SLC9B1: variants seen among roughly 807,000 people sequenced by gnomAD.
The protein encoded by SLC9B1 is sodium/hydrogen exchanger 9B1.
A neutral mutation model predicts 51.7 loss-of-function variants in SLC9B1; 32 were observed. The observed-to-expected ratio is 0.62, with a 90% confidence interval of 0.47 to 0.83. SLC9B1 has a LOEUF of 0.83. Ranked by LOEUF, SLC9B1 falls within the 40% of genes least tolerant of loss-of-function variation. The pLI is 0.00. For missense variants in SLC9B1, 406 were observed against 613.2 expected, an observed-to-expected ratio of 0.66 and a Z score of 3.57; for synonymous variants, 145 against 212.7, an observed-to-expected ratio of 0.68 and a Z score of 2.77.
intron 11 of SLC9B1, among the ~76,000 whole-genome samples, chr4:102,893,280 T>TTAAAA (rs1734348487): frequency 1.2e-4 from 1 of 8,400 alleles, no homozygotes; most frequent in Non-Finnish European, 1.8e-4. Context: ...AGACTCCATC[T>TTAAAA]CAAAAAAAAA....
chr4:102,988,834 C>A (rs1739797070), intron 3 of SLC9B1, among the ~76,000 whole-genome samples: 1 of 151,956 alleles, frequency 6.6e-6, no homozygotes, highest in Non-Finnish European at 1.5e-5. Flanking sequence ...TCTAGAACTC[C>A]TCAATTAGTT....
At chr4:102,978,793 A>AC (rs1739208213) in intron 3 of SLC9B1, among the ~76,000 whole-genome samples, 1 of 152,206 alleles carries the variant, frequency 6.6e-6, no homozygotes, top group Admixed American at 6.5e-5. Context: ...ATACCATTTG[A>AC]CCCGGCAATC....
rs147446750 is a variant in SLC9B1 at position 102,958,433 on chromosome 4, G to C, written c.212-9006C>G. 1.4e-3 allele frequency among the ~76,000 whole-genome samples: 208 copies of C among 152,182 alleles called. No individual in the cohort carries two copies. The Middle Eastern group carries it at 0.017, about 12-fold the overall frequency. On this transcript the variant is annotated intron_variant, in intron 3 of 11. Coordinates refer to ENST00000296422, the MANE Select transcript of SLC9B1 (RefSeq NM_139173.4). Reference sequence around the variant, plus strand: ...GCAATTAAACCACTTATAAATTATCGAGTCTCAGGTATTTGAAAGCAATGC... The same window carrying C: ...GCAATTAAACCACTTATAAATTATCCAGTCTCAGGTATTTGAAAGCAATGC...
At chr4:103,019,027 T>C (rs1282174427) in intron 1 of SLC9B1, among the ~76,000 whole-genome samples, 3 of 152,134 alleles carry the variant, frequency 2.0e-5, no homozygotes, top group Non-Finnish European at 2.9e-5. Flanking sequence ...TGTCATCCCA[T>C]CTTGCCCCCC....
At chr4:103,016,460 G>C (rs1249137621) in intron 1 of SLC9B1, among the ~76,000 whole-genome samples, 1 of 152,120 alleles carries the variant, frequency 6.6e-6, no homozygotes, top group Non-Finnish European at 1.5e-5. Flanking sequence ...CCAGCCAGCA[G>C]TACTATGTCA....
chr4:102,904,343 A>G (rs1168202846), intron 11 of SLC9B1, among the ~76,000 whole-genome samples: 1 of 152,084 alleles, frequency 6.6e-6, no homozygotes, highest in African/African-American at 2.4e-5. Flanking sequence ...TCCAGGCATG[A>G]GCTACCATGC....
intron 1 of SLC9B1, among the ~76,000 whole-genome samples, chr4:103,001,946 G>A (rs1740545121): frequency 6.6e-6 from 1 of 152,228 alleles, no homozygotes; most frequent in South Asian, 2.1e-4. Context: ...CAATCATGGT[G>A]GAAGGCAAAG....
intron 3 of SLC9B1, among the ~76,000 whole-genome samples, chr4:102,954,501 A>G (rs1312288268): frequency 2.7e-5 from 4 of 149,366 alleles, no homozygotes; most frequent in African/African-American, 1.0e-4. Context: ...GAGATTAATC[A>G]TAATCGAATA....
chr4:102,966,078 T>C (rs1393406925), intron 3 of SLC9B1, among the ~76,000 whole-genome samples: 5 of 152,238 alleles, frequency 3.3e-5, no homozygotes, highest in Admixed American at 6.5e-5. Context: ...CTGGTTGGAA[T>C]TGGATACCTA....
At chr4:102,919,171 G>C (rs1369049833) in intron 7 of SLC9B1, among the ~76,000 whole-genome samples, 1 of 152,140 alleles carries the variant, frequency 6.6e-6, no homozygotes, top group Non-Finnish European at 1.5e-5. Context: ...CCATTATCTT[G>C]GCAATTAACA....
At chr4:102,904,651 C>T (rs1258370821) in intron 11 of SLC9B1, among the ~76,000 whole-genome samples, 2 of 151,686 alleles carry the variant, frequency 1.3e-5, no homozygotes, top group African/African-American at 4.8e-5. Context: ...CAAGACCAGC[C>T]TGGGCAACAT....
intron 7 of SLC9B1, among the ~76,000 whole-genome samples, chr4:102,929,987 A>C (rs1736372843): frequency 6.6e-6 from 1 of 152,240 alleles, no homozygotes; most frequent in African/African-American, 2.4e-5. Context: ...GAAAAAACTA[A>C]AGTATATAAA....
At chr4:103,001,042 A>G (rs921626706) in intron 1 of SLC9B1, among the ~76,000 whole-genome samples, 1 of 152,226 alleles carries the variant, frequency 6.6e-6, no homozygotes, top group Non-Finnish European at 1.5e-5. Context: ...GGAGGTTTGC[A>G]AAGCTCAATT....
At chr4:102,985,525 A>T (rs7687092) in intron 3 of SLC9B1, among the ~76,000 whole-genome samples, 82,899 of 151,208 alleles carry the variant, frequency 0.55, 23,252 homozygotes, top group African/African-American at 0.69. Context: ...ACTAATACAA[A>T]TCCATTTTCT....
chr4:102,899,179 C>A (rs1289278778), downstream of SLC9B1, among the ~76,000 whole-genome samples: 15 of 150,970 alleles, frequency 9.9e-5, no homozygotes, highest in African/African-American at 3.6e-4. Flanking sequence ...ATCTGCCACA[C>A]CACCTTAAAA....
chr4:102,907,576 T>C (rs1164836934), intron 9 of SLC9B1, among the ~76,000 whole-genome samples: 3 of 152,258 alleles, frequency 2.0e-5, no homozygotes, highest in Admixed American at 6.5e-5. Context: ...CAGTGCTACT[T>C]CCCCAATTAA....
rs1467902885 is a variant in SLC9B1 at position 102,945,130 on chromosome 4, AAC to A, written c.653+61_653+62del. 4 of 1,414,660 alleles carry A rather than the reference AAC, an allele frequency of 2.8e-6. No homozygotes were observed. The East Asian group carries it at 9.5e-5, about 34-fold the overall frequency. 87.6% of individuals were successfully genotyped at this position (1,414,660 alleles called of 1,614,324 possible). ...TTCTATACAACATTCTGAATATTTTAACAGTTTTAATGAAGCATCCTTAATTG... is the reference window on the plus strand; with the variant it reads ...TTCTATACAACATTCTGAATATTTTAAGTTTTAATGAAGCATCCTTAATTG... On this transcript the variant is annotated intron_variant, in intron 6 of 11. Coordinates refer to ENST00000296422, the MANE Select transcript of SLC9B1 (RefSeq NM_139173.4).
intron 7 of SLC9B1, among the ~76,000 whole-genome samples, chr4:102,921,058 GA>G (rs1735848819): frequency 6.6e-6 from 1 of 152,082 alleles, no homozygotes; most frequent in Admixed American, 6.5e-5. Flanking sequence ...GAAATACAGA[GA>G]ACACCACAAA....
chr4:102,926,960 T>A (rs1185274076), intron 7 of SLC9B1, among the ~76,000 whole-genome samples: 1 of 152,152 alleles, frequency 6.6e-6, no homozygotes, highest in African/African-American at 2.4e-5. Context: ...TCTACAGCCA[T>A]CTGATCTTTG....
Sources: gnomAD v4.1 joint callset for allele counts (sites outside exome capture counted in the v4.1 genomes callset) on GRCh38, gnomAD v4.1.1 for gene constraint, MANE v1.5 for transcripts, NCBI Gene and HGNC (gene_info 2026-07-23, HGNC 2026-07-21) for gene names.